The following AFAP1L2 variants were observed in gnomAD, a reference collection of about 807,000 sequenced individuals.
The protein encoded by AFAP1L2 is actin filament-associated protein 1-like 2.
Under a neutral mutation model 99.3 loss-of-function variants are expected in AFAP1L2, and 46 were observed. That is an observed-to-expected ratio of 0.46 (90% CI 0.37 to 0.59). The LOEUF is 0.59. Ranked by LOEUF, AFAP1L2 falls within the 20% of genes least tolerant of loss-of-function variation. The pLI is 0.00. For synonymous variants in AFAP1L2, 397 were observed against 419.1 expected (o/e 0.95, Z 0.64); for missense variants, 959 against 1,034.9 (o/e 0.93, Z 1.01).
chr10:114,366,553 C>G (rs2053280596), intron 1 of AFAP1L2, among the ~76,000 whole-genome samples: 1 of 152,172 alleles, frequency 6.6e-6, no homozygotes, highest in Admixed American at 6.5e-5. Flanking sequence ...AAATGGAGCT[C>G]CACCTTTCGA....
At chr10:114,364,991 C>CA (rs2053000134) in intron 1 of AFAP1L2, among the ~76,000 whole-genome samples, 1 of 152,200 alleles carries the variant, frequency 6.6e-6, no homozygotes, top group South Asian at 2.1e-4. Context: ...AATAACATGA[C>CA]AGGATGAAGA....
At chr10:114,349,857 T>A (rs886453517) in intron 1 of AFAP1L2, among the ~76,000 whole-genome samples, 2 of 152,146 alleles carry the variant, frequency 1.3e-5, no homozygotes, top group Admixed American at 6.5e-5. Flanking sequence ...AATGCTCTGC[T>A]CCCGCCAAGC....
intron 1 of AFAP1L2, among the ~76,000 whole-genome samples, chr10:114,351,189 G>A (rs1046036613): frequency 6.6e-6 from 1 of 152,194 alleles, no homozygotes; most frequent in African/African-American, 2.4e-5. Context: ...TTATCTTTTG[G>A]TGGAGGGGCT....
At chr10:114,286,543 G>T in the AFAP1L2 span, 1 of 1,508,724 alleles carries the variant, frequency 6.6e-7, no homozygotes, top group East Asian at 2.3e-5. Context: ...CAGGACCGCT[G>T]GTCAGTGGGC....
chr10:114,345,789 G>A (rs1024731135), intron 1 of AFAP1L2, among the ~76,000 whole-genome samples: 2 of 152,274 alleles, frequency 1.3e-5, no homozygotes, highest in African/African-American at 2.4e-5. Context: ...GGCAAAGGGT[G>A]TGGGGATGAA....
intron 1 of AFAP1L2, among the ~76,000 whole-genome samples, chr10:114,349,054 C>G (rs1035022466): frequency 1.3e-5 from 2 of 152,012 alleles, no homozygotes; most frequent in Admixed American, 1.3e-4. Context: ...CTCCTAAAGT[C>G]CTTTTCCTTC....
intron 1 of AFAP1L2, among the ~76,000 whole-genome samples, chr10:114,367,290 A>G (rs1393150938): frequency 1.3e-5 from 2 of 152,204 alleles, no homozygotes; most frequent in Admixed American, 6.5e-5. Context: ...CTGTTTGCAG[A>G]CAGGCATGTG....
At chr10:114,290,215 G>T, downstream of AFAP1L2, 1 of 1,549,958 alleles carries the variant, frequency 6.5e-7, no homozygotes. Flanking sequence ...GGCCGGCCTG[G>T]TGGGTATGGT....
At chr10:114,289,167 G>A in the AFAP1L2 span, 1 of 1,613,652 alleles carries the variant, frequency 6.2e-7, no homozygotes, top group East Asian at 2.2e-5. Flanking sequence ...CCATTAGCCA[G>A]GCCCCCTACC....
In AFAP1L2 at chr10:114,333,297, T is replaced by C. The variant is rs759601738; in HGVS notation, c.146-2A>G. 1 of 1,613,484 alleles carries C rather than the reference T, an allele frequency of 6.2e-7. No homozygotes were observed. Among genetic ancestry groups the C allele is most frequent in the Non-Finnish European group, 8.5e-7 (1 of 1,179,450 alleles). On this transcript the variant is annotated splice_acceptor_variant, in intron 2 of 18. Coordinates refer to ENST00000304129, the MANE Select transcript of AFAP1L2 (RefSeq NM_001001936.3). LOFTEE classifies it high-confidence loss of function. ...TATAAATGTACTCCTCATCAGAGCC[T>C]GCAGAAGGAAGGAGACACAGGCTTT...
intron 1 of AFAP1L2, among the ~76,000 whole-genome samples, chr10:114,345,393 C>A (rs2049399063): frequency 6.6e-6 from 1 of 152,136 alleles, no homozygotes; most frequent in African/African-American, 2.4e-5. Flanking sequence ...AATCCTGAAG[C>A]TGTGGGTCCT....
chr10:114,308,497 G>A lies in AFAP1L2; in HGVS notation c.903C>T (p.Tyr301=). 20 of 1,614,152 alleles carry A rather than the reference G, an allele frequency of 1.2e-5. No individual in the cohort carries two copies. Among genetic ancestry groups the A allele is most frequent in the Non-Finnish European group, 1.7e-5 (20 of 1,180,014 alleles). ...AGCTCCCATACTCTGAAGCCGACAG[G>A]TACTTCTCAGCTATATCTGGCTATG... is the stretch of plus-strand genomic sequence containing the variant. ...NCQKPDIAEK[Y]LSASEYGSSV... Residue 301 remains tyrosine, a synonymous_variant, in exon 9 of 19, where the codon TAC becomes TAT. Transcript: ENST00000304129.
chr10:114,302,120 C>G (rs1001188590), intron 12 of AFAP1L2: 1 of 612,552 alleles, frequency 1.6e-6, no homozygotes, highest in South Asian at 2.0e-5. Flanking sequence ...AAAGCTGCCC[C>G]CGGGGCCCGA....
chr10:114,333,784 C>A (rs560186593), intron 2 of AFAP1L2, among the ~76,000 whole-genome samples: 1 of 152,078 alleles, frequency 6.6e-6, no homozygotes, highest in Non-Finnish European at 1.5e-5. Context: ...GCACTCCAGC[C>A]TGGGCAACAG....
At chr10:114,403,712 C>A (rs900100100) in intron 1 of AFAP1L2, among the ~76,000 whole-genome samples, 1 of 152,126 alleles carries the variant, frequency 6.6e-6, no homozygotes, top group Non-Finnish European at 1.5e-5. Context: ...CGGGACGGCC[C>A]GCCCACCGGG....
chr10:114,342,079 T>C (rs920700125), intron 1 of AFAP1L2, among the ~76,000 whole-genome samples: 8 of 152,174 alleles, frequency 5.3e-5, no homozygotes, highest in African/African-American at 1.9e-4. Context: ...GCTGGCATAC[T>C]TCTGAGATTT....
At chr10:114,326,227 G>A (rs1156945686) in intron 4 of AFAP1L2, among the ~76,000 whole-genome samples, 2 of 152,108 alleles carry the variant, frequency 1.3e-5, no homozygotes, top group South Asian at 2.1e-4. Flanking sequence ...TGAGCTACGC[G>A]AGGTGTGCAA....
At chr10:114,306,655 C>G (rs2042500030) in intron 10 of AFAP1L2, among the ~76,000 whole-genome samples, 1 of 152,056 alleles carries the variant, frequency 6.6e-6, no homozygotes, top group Admixed American at 6.5e-5. Flanking sequence ...TCACAATCCT[C>G]TGGACCACAG....
chr10:114,305,928 G>C (rs1355002767), intron 10 of AFAP1L2, among the ~76,000 whole-genome samples: 7 of 135,492 alleles, frequency 5.2e-5, no homozygotes, highest in South Asian at 2.6e-4. Flanking sequence ...GTGCAGGAGG[G>C]GACGGGGCTG....
Sources: allele counts gnomAD v4.1 joint callset (sites outside exome capture counted in the v4.1 genomes callset), GRCh38; gene constraint gnomAD v4.1.1; transcripts MANE v1.5; gene names NCBI Gene and HGNC (gene_info 2026-07-23, HGNC 2026-07-21).